TG: variants seen among roughly 807,000 people sequenced by gnomAD.
TG encodes the protein thyroglobulin.
TG carries 270 observed loss-of-function variants against 324.7 expected under a neutral mutation model. That is an observed-to-expected ratio of 0.83 (90% confidence interval 0.75 to 0.92). The LOEUF is 0.92. Ranked by LOEUF, TG falls within the 40% of genes least tolerant of loss-of-function variation. The probability of loss-of-function intolerance (pLI) is 0.00; values close to 1 mark genes in which losing one functional copy is unlikely to be tolerated. For synonymous variants in TG, 1,401 were observed against 1,327.0 expected, an observed-to-expected ratio of 1.06 and a Z score of -1.21; for missense variants, 3,591 against 3,456.4, an observed-to-expected ratio of 1.04 and a Z score of -0.98.
chr8:133,027,929 G>A (rs1836257521), intron 40 of TG, among the ~76,000 whole-genome samples: 1 of 152,218 alleles, frequency 6.6e-6, no homozygotes, highest in Admixed American at 6.5e-5. Context: ...CTCTGAGGTT[G>A]TGTGTCCCTA....
chr8:133,113,882 C>T (rs1850477378), intron 44 of TG, among the ~76,000 whole-genome samples: 1 of 152,160 alleles, frequency 6.6e-6, no homozygotes, highest in African/African-American at 2.4e-5. Flanking sequence ...TGTCGGAGGG[C>T]AGAGACGAAG....
chr8:132,981,949 C>A (rs1830914701), intron 34 of TG, among the ~76,000 whole-genome samples: 1 of 152,170 alleles, frequency 6.6e-6, no homozygotes, highest in Non-Finnish European at 1.5e-5. Flanking sequence ...TGTGAGGCGA[C>A]CCACGCAAGG....
At chr8:133,074,488 A>C (rs952988606) in intron 41 of TG, among the ~76,000 whole-genome samples, 1 of 152,186 alleles carries the variant, frequency 6.6e-6, no homozygotes, top group Admixed American at 6.5e-5. Flanking sequence ...TGAGAAAATG[A>C]AGGTCTGGAG....
intron 41 of TG, chr8:133,076,575 A>G (rs1345598974): frequency 6.8e-6 from 1 of 146,394 alleles, no homozygotes; most frequent in Admixed American, 6.6e-5. Context: ...TTTTCCCCCA[A>G]ATTCACACAG....
chr8:132,868,283 G>A, intron 2 of TG, 60 bp downstream of exon 2: 1 of 1,479,576 alleles, frequency 6.8e-7, no homozygotes, highest in East Asian at 2.3e-5. Flanking sequence ...AGCATCTTGT[G>A]CCTTCCCCCC....
At chr8:133,117,634 G>A (rs1338900012) in intron 45 of TG, among the ~76,000 whole-genome samples, 1 of 152,250 alleles carries the variant, frequency 6.6e-6, no homozygotes, top group East Asian at 1.9e-4. Context: ...GAAGACAGTA[G>A]TGGTGTCCTT....
intron 45 of TG, among the ~76,000 whole-genome samples, chr8:133,122,216 G>A (rs1172207630): frequency 6.6e-6 from 1 of 152,158 alleles, no homozygotes; most frequent in African/African-American, 2.4e-5. Flanking sequence ...TTATAGATGA[G>A]ATTTTCATTC....
intron 10 of TG, among the ~76,000 whole-genome samples, chr8:132,889,810 C>T (rs925608368): frequency 2.0e-5 from 3 of 152,178 alleles, no homozygotes; most frequent in African/African-American, 7.2e-5. Context: ...GAGTTTCGCT[C>T]TTGTTGCCCA....
intron 5 of TG, among the ~76,000 whole-genome samples, chr8:132,880,870 G>A (rs1345872051): frequency 6.6e-6 from 1 of 152,062 alleles, no homozygotes; most frequent in Non-Finnish European, 1.5e-5. Context: ...TATATTTAGG[G>A]CATTTACTAT....
Position 132,935,882 on chromosome 8 carries a change from G to A in TG, c.5041+18G>A, listed in dbSNP as rs753041034. On this transcript the variant is annotated intron_variant, in intron 25 of 47. Transcript: ENST00000220616. ...GAAAAAGGGTAGGTTGGTCAGGCTG[G>A]TTGGCTTAGGCCCGCGGTGGCTTCA... 5.6e-6 allele frequency: 9 copies of A among 1,604,618 alleles called. No individual in the cohort carries two copies. The African/African-American group carries it at 1.1e-4, about 19-fold the overall frequency.
At chr8:133,128,337 G>GCACACACACACACACACA (rs59451880) in intron 45 of TG, among the ~76,000 whole-genome samples, 1 of 133,728 alleles carries the variant, frequency 7.5e-6, no homozygotes, top group Non-Finnish European at 1.6e-5. Context: ...CAAAAGGCGT[G>GCACACACACACACACACA]CACACACACA....
intron 16 of TG, among the ~76,000 whole-genome samples, chr8:132,903,273 C>A (rs1051016611): frequency 2.0e-5 from 3 of 152,222 alleles, no homozygotes; most frequent in African/African-American, 7.2e-5. Flanking sequence ...TTTGTAAAGG[C>A]TTCATCATGG....
Position 132,887,401 on chromosome 8 carries a change from C to A in TG, c.2029C>A (p.Pro677Thr). The change falls in exon 9 of 48, where the codon CCT becomes ACT. Residue 677 changes from proline to threonine, a missense_variant. Physicochemically the swap from Pro to Thr is conservative, Grantham distance 38. Transcript: ENST00000220616. Reference sequence around the variant, plus strand: ...CATGCAAAGCCTCATGGGCAGCCAGCCTGCTGGCTCCACCTTGTTTGTCCC... The same window carrying A: ...CATGCAAAGCCTCATGGGCAGCCAGACTGCTGGCTCCACCTTGTTTGTCCC... ...ARMQSLMGSQ[P>T]AGSTLFVPAC... 6.2e-7 allele frequency: 1 copy of A among 1,614,154 alleles called. No individual in the cohort carries two copies. Among genetic ancestry groups the A allele is most frequent in the Non-Finnish European group, 8.5e-7 (1 of 1,180,040 alleles).
chr8:132,886,585 G>A lies in TG; in HGVS notation c.1213G>A (p.Ala405Thr). 1.9e-6 allele frequency: 3 copies of A among 1,614,188 alleles called. No individual in the cohort carries two copies. The highest frequency in any genetic ancestry group is 2.5e-6 in the Non-Finnish European group (3 of 1,180,042). The stretch of plus-strand genomic sequence containing the variant: ...GGCCTCTCCAAGAGTAGCCAGATTT[G>A]CCACATCCTGCCCACCCACGATCAA... ...RWASPRVARFATSCPPTIKEL... is the reference protein window; with the variant it reads ...RWASPRVARFTTSCPPTIKEL... Residue 405 changes from alanine to threonine, a missense_variant, in exon 9 of 48, where the codon GCC becomes ACC. Physicochemically the swap from Ala to Thr is moderately conservative, Grantham distance 58. Coordinates refer to ENST00000220616, the MANE Select transcript of TG (RefSeq NM_003235.5).
chr8:133,058,245 G>A lies in TG; in HGVS notation c.7239+28222G>A, dbSNP rs549879934. On this transcript the variant is annotated intron_variant, in intron 41 of 47. Coordinates refer to ENST00000220616, the MANE Select transcript of TG (RefSeq NM_003235.5). ...CCAATGATCGGGGGAACGTTTCAGG[G>A]CTGGGGGTTGAAAAAGCAGCCCACC... Among the ~76,000 whole-genome samples the A allele has an allele frequency of 1.2e-4, 19 of 152,228 alleles. No homozygotes were observed. The East Asian group carries it at 3.5e-3, about 28-fold the overall frequency.
At chr8:132,867,398 T>A (rs1208791290) in intron 1 of TG, among the ~76,000 whole-genome samples, 1 of 152,198 alleles carries the variant, frequency 6.6e-6, no homozygotes, top group Non-Finnish European at 1.5e-5. Flanking sequence ...AAAGTCTGTG[T>A]CATCCATAAC....
intron 5 of TG, among the ~76,000 whole-genome samples, chr8:132,877,222 C>T (rs949341433): frequency 2.0e-5 from 3 of 152,182 alleles, no homozygotes; most frequent in African/African-American, 7.2e-5. Flanking sequence ...TCACTGCAAC[C>T]TCTGCCTCCC....
intron 2 of TG, among the ~76,000 whole-genome samples, chr8:132,868,714 G>A (rs193037498): frequency 1.3e-4 from 20 of 152,240 alleles, no homozygotes; most frequent in East Asian, 3.9e-4. Context: ...CTTCTGGGTC[G>A]CTGTCTCCAC....
rs182383693 is a variant in TG at position 132,893,976 on chromosome 8, G to A, written c.3001+47G>A. Reference sequence around the variant, plus strand: ...TTTCTTACTGCATCGCTTTGGAAAAGCAGGAGCTTAAATTCGTCTCTCCTC... The same window carrying A: ...TTTCTTACTGCATCGCTTTGGAAAAACAGGAGCTTAAATTCGTCTCTCCTC... On this transcript the variant is annotated intron_variant, in intron 11 of 47. Coordinates refer to ENST00000220616, the MANE Select transcript of TG (RefSeq NM_003235.5). 5.0e-6 allele frequency: 8 copies of A among 1,613,828 alleles called. No individual in the cohort carries two copies. The African/African-American group carries it at 1.1e-4, about 22-fold the overall frequency.
Sources: allele counts gnomAD v4.1 joint callset (sites outside exome capture counted in the v4.1 genomes callset), GRCh38; gene constraint gnomAD v4.1.1; transcripts MANE v1.5; gene names NCBI Gene and HGNC (gene_info 2026-07-23, HGNC 2026-07-21).